PLCB4: variants seen among roughly 807,000 people sequenced by gnomAD.
PLCB4 encodes 1-phosphatidylinositol 4,5-bisphosphate phosphodiesterase beta-4.
A neutral mutation model predicts 178.8 loss-of-function variants in PLCB4; 77 were observed. The observed-to-expected ratio is 0.43, with a 90% CI of 0.36 to 0.52. The LOEUF (loss-of-function observed/expected upper bound fraction) is 0.52, where lower values mean the gene tolerates loss of function less well. PLCB4 is among the 20% of genes least tolerant of loss of function. The pLI, the probability that PLCB4 is intolerant of heterozygous loss-of-function variation, is 0.00. For missense variants in PLCB4, 1,024 were observed against 1,453.4 expected (o/e 0.70, Z 4.80); for synonymous variants, 496 against 490.8 (o/e 1.01, Z -0.14).
chr20:9,337,530 T>C (rs1488137782), intron 5 of PLCB4, among the ~76,000 whole-genome samples: 1 of 152,144 alleles, frequency 6.6e-6, no homozygotes, highest in Non-Finnish European at 1.5e-5. Flanking sequence ...GAAGAGATGC[T>C]CAAGCTGAAA....
At chr20:9,245,843 A>T (rs1409626858) in intron 3 of PLCB4, among the ~76,000 whole-genome samples, 1 of 151,926 alleles carries the variant, frequency 6.6e-6, no homozygotes, top group Non-Finnish European at 1.5e-5. Flanking sequence ...TATATTGGCC[A>T]GGCTGGTCTC....
At position 9,476,591 on chromosome 20, in the gene PLCB4, T is replaced by A. The variant is rs539434201; in HGVS notation, c.3496-126T>A. On this transcript the variant is annotated intron_variant, in intron 38 of 39. Coordinates refer to ENST00000378473, the MANE Select transcript of PLCB4 (RefSeq NM_001377142.1). ...CACTGAGGGGTGTGTACATGTTTTATCCTTAGCTTTTTGCTTTTCTGTATA... is the reference window on the plus strand; with the variant it reads ...CACTGAGGGGTGTGTACATGTTTTAACCTTAGCTTTTTGCTTTTCTGTATA... 8 of 668,146 alleles carry A rather than the reference T, an allele frequency of 1.2e-5. No individual in the cohort carries two copies. The South Asian group carries it at 1.3e-4, about 11-fold the overall frequency. 41.4% of individuals were successfully genotyped at this position (668,146 alleles called of 1,614,324 possible).
chr20:9,289,709 G>T (rs8118460), intron 3 of PLCB4, among the ~76,000 whole-genome samples: 1 of 151,966 alleles, frequency 6.6e-6, no homozygotes, highest in African/African-American at 2.4e-5. Context: ...AGGAACTTTC[G>T]TCATGAGAAC....
intron 35 of PLCB4, 37 bp from the exon 36 acceptor site, chr20:9,468,534 C>T (rs565962304): frequency 1.6e-6 from 2 of 1,240,496 alleles, no homozygotes; most frequent in African/African-American, 2.9e-5. Context: ...ACTCTCCATC[C>T]CCCCTCCCTG....
chr20:9,070,541 G>C (rs912239858), intron 1 of PLCB4, among the ~76,000 whole-genome samples: 2 of 152,146 alleles, frequency 1.3e-5, no homozygotes, highest in South Asian at 4.2e-4. Context: ...TCATAGGACA[G>C]TCTTGCATGA....
At position 9,373,102 on chromosome 20, in the gene PLCB4, G is replaced by A; in HGVS notation, c.742G>A (p.Glu248Lys). Residue 248 changes from glutamate (E) to lysine (K), a missense_variant and splice_region_variant, in exon 12 of 40, where the codon GAA becomes AAA. Coordinates refer to ENST00000378473, the MANE Select transcript of PLCB4 (RefSeq NM_001377142.1). ...TVDQLVSFLN[E>K]HQRDPRLNEI... ...AGACCAATTAGTGAGCTTTCTAAAT[G>A]AAGTAAGCTTTTTCATACATTAACT... 6.7e-7 allele frequency: 1 copy of A among 1,489,474 alleles called. No homozygotes were observed. Among genetic ancestry groups the A allele is most frequent in the South Asian group, 1.1e-5 (1 of 87,140 alleles). 92.3% of individuals were successfully genotyped at this position (1,489,474 alleles called of 1,614,324 possible). A position where few individuals can be genotyped will look rare whatever the true frequency, so the allele number is the denominator to read the frequency against.
rs572125711 is a variant in PLCB4 at position 9,333,792 on chromosome 20, T to C, written c.85-3334T>C. 5.8e-4 allele frequency among the ~76,000 whole-genome samples: 88 copies of C among 152,122 alleles called. 2 individuals are homozygous for C. The South Asian group carries it at 0.017, about 30-fold the overall frequency. The stretch of plus-strand genomic sequence containing the variant: ...TATTCGAAATATTATAGAAGAAGAC[T>C]TGCTACTGAAAGTGAGAGGAAAAGA... On this transcript the variant is annotated intron_variant, in intron 4 of 39. Transcript: ENST00000378473.
chr20:9,480,067 T>C lies in PLCB4; in HGVS notation c.*1058T>C, dbSNP rs1477503447. 1 of 152,620 alleles carries C rather than the reference T, an allele frequency of 6.6e-6. No individual in the cohort carries two copies. The highest frequency in any genetic ancestry group is 1.5e-5 in the Non-Finnish European group (1 of 68,028). 9.5% of individuals were successfully genotyped at this position (152,620 alleles called of 1,614,324 possible). ...CATTCTTGATACTTCAAGTTCTAGTTTGAAAAAAATACATAACTAATTTAA... is the reference window on the plus strand; with the variant it reads ...CATTCTTGATACTTCAAGTTCTAGTCTGAAAAAAATACATAACTAATTTAA... On this transcript the variant is annotated 3_prime_UTR_variant, in exon 40 of 40. Transcript: ENST00000378473.
chr20:9,390,582 T>A lies in PLCB4; in HGVS notation c.1290T>A (p.Asp430Glu). The A allele has an allele frequency of 1.9e-6, 3 of 1,574,162 alleles. No individual in the cohort carries two copies. Among genetic ancestry groups the A allele is most frequent in the Non-Finnish European group, 2.6e-6 (3 of 1,143,676 alleles). The change falls in exon 17 of 40, where the codon GAT becomes GAA. Residue 430 changes from aspartate (D) to glutamate (E), a missense_variant. By Grantham distance (45) the Asp-to-Glu change is conservative (BLOSUM62 2). This residue lies in a region of PLCB4 where 263 missense variants were observed against 417.4 expected (regional missense o/e 0.63). Coordinates refer to ENST00000378473, the MANE Select transcript of PLCB4 (RefSeq NM_001377142.1). ...MSKYCEDLFG[D>E]LLLKQALESH... ...AATATTGCGAAGATCTATTTGGGGA[T>A]CTCCTGTTGAAACAAGCACTTGAAT...
At chr20:9,210,336 C>CT (rs1360060605) in intron 2 of PLCB4, among the ~76,000 whole-genome samples, 2 of 151,980 alleles carry the variant, frequency 1.3e-5, no homozygotes, top group Non-Finnish European at 2.9e-5. Flanking sequence ...TAAAGTAGCT[C>CT]TTTTTCTTGG....
chr20:9,193,219 C>T (rs752566760), intron 2 of PLCB4, among the ~76,000 whole-genome samples: 3 of 152,144 alleles, frequency 2.0e-5, no homozygotes, highest in Non-Finnish European at 2.9e-5. Flanking sequence ...GAAAGATGAT[C>T]GCAGGAAATA....
chr20:9,296,696 A>T (rs534607235), intron 3 of PLCB4, among the ~76,000 whole-genome samples: 104 of 152,322 alleles, frequency 6.8e-4, no homozygotes, highest in Admixed American at 3.2e-3. Flanking sequence ...GGATGAGTTC[A>T]TGTCCTTTGT....
chr20:9,236,328 G>C (rs146903885), intron 3 of PLCB4, among the ~76,000 whole-genome samples: 143 of 152,290 alleles, frequency 9.4e-4, no homozygotes, highest in African/African-American at 3.2e-3. Flanking sequence ...CCAGAACAAG[G>C]AAGAATAACC....
intron 17 of PLCB4, among the ~76,000 whole-genome samples, chr20:9,392,071 T>C (rs977698127): frequency 6.6e-6 from 1 of 152,236 alleles, no homozygotes; most frequent in Admixed American, 6.5e-5. Flanking sequence ...TGTTTTTACC[T>C]AGGCCCTCCA....
At chr20:9,256,458 G>A (rs546253578) in intron 3 of PLCB4, among the ~76,000 whole-genome samples, 3 of 152,296 alleles carry the variant, frequency 2.0e-5, no homozygotes, top group Non-Finnish European at 4.4e-5. Flanking sequence ...TGCAAATCTC[G>A]ACATTCCTCT....
At chr20:9,392,701 G>A (rs376999918) in intron 17 of PLCB4, among the ~76,000 whole-genome samples, 8 of 152,132 alleles carry the variant, frequency 5.3e-5, no homozygotes, top group East Asian at 1.9e-4. Flanking sequence ...AGAAGATGGC[G>A]TATGGTGCTT....
intron 33 of PLCB4, 102 bp from the exon 34 acceptor site, chr20:9,457,312 T>G: frequency 1.4e-6 from 1 of 707,910 alleles, no homozygotes; most frequent in Non-Finnish European, 2.6e-6. Flanking sequence ...CATCTCATAT[T>G]TGATGAATAT....
intron 9 of PLCB4, among the ~76,000 whole-genome samples, chr20:9,369,367 G>A (rs1442939775): frequency 2.0e-5 from 3 of 151,826 alleles, no homozygotes; most frequent in Non-Finnish European, 2.9e-5. Context: ...AACTTTTTAT[G>A]AAATAATAGT....
intron 3 of PLCB4, among the ~76,000 whole-genome samples, chr20:9,237,754 G>A (rs1032321294): frequency 6.6e-6 from 1 of 152,252 alleles, no homozygotes; most frequent in African/African-American, 2.4e-5. Context: ...ACTAAACACA[G>A]TTAGACACTT....
Sources: allele counts gnomAD v4.1 joint callset (sites outside exome capture counted in the v4.1 genomes callset), GRCh38; gene constraint gnomAD v4.1.1; regional missense constraint gnomAD v4.1.1; transcripts MANE v1.5; gene names NCBI Gene and HGNC (gene_info 2026-07-23, HGNC 2026-07-21).